BFAR: variants seen among roughly 807,000 people sequenced by gnomAD.
BFAR encodes the protein RING finger protein 47.
A neutral mutation model predicts 54.4 loss-of-function variants in BFAR; 52 were observed. The ratio of observed to expected loss-of-function variants is 0.96; its 90% CI spans 0.77 to 1.21. The LOEUF (loss-of-function observed/expected upper bound fraction) is 1.21. BFAR is among the 50% of genes most tolerant of loss of function. The pLI is 0.00. For synonymous variants in BFAR, 215 were observed against 204.3 expected, an observed-to-expected ratio of 1.05 and a Z score of -0.45; for missense variants, 571 against 534.0, an observed-to-expected ratio of 1.07 and a Z score of -0.68.
intron 1 of BFAR, among the ~76,000 whole-genome samples, chr16:14,640,045 G>C (rs1959573727): frequency 6.6e-6 from 1 of 151,876 alleles, no homozygotes; most frequent in African/African-American, 2.4e-5. Context: ...AGGCTACATA[G>C]GAGGCTGAGG....
At chr16:14,659,826 A>G (rs1029612034) in intron 5 of BFAR, among the ~76,000 whole-genome samples, 10 of 152,150 alleles carry the variant, frequency 6.6e-5, no homozygotes, top group African/African-American at 2.4e-4. Context: ...TGCTGGGATT[A>G]CAGGCTGAGC....
intron 5 of BFAR, among the ~76,000 whole-genome samples, chr16:14,661,392 CTTTTTTTTTTTTTT>C (rs774393097): frequency 1.5e-5 from 1 of 65,076 alleles, no homozygotes; most frequent in Non-Finnish European, 2.9e-5. Flanking sequence ...GAGATTGGAT[CTTTTTTTTTTTTTT>C]TTTTTTTTTT....
chr16:14,640,427 C>G (rs1412331745), intron 1 of BFAR, among the ~76,000 whole-genome samples: 1 of 151,908 alleles, frequency 6.6e-6, no homozygotes, highest in African/African-American at 2.4e-5. Flanking sequence ...ATGCGTGATG[C>G]GATTCCAGTA....
At chr16:14,643,245 G>A (rs542902075) in intron 1 of BFAR, among the ~76,000 whole-genome samples, 1 of 152,244 alleles carries the variant, frequency 6.6e-6, no homozygotes, top group East Asian at 1.9e-4. Context: ...GGCAGGCAGA[G>A]GTTGACGTGA....
rs531091456 is a variant in BFAR, at chr16:14,639,747, GAGA to G, written c.-73-4524_-73-4522del. On this transcript the variant is annotated intron_variant, in intron 1 of 7. Coordinates refer to ENST00000261658, the MANE Select transcript of BFAR (RefSeq NM_016561.3). The stretch of plus-strand genomic sequence containing the variant: ...TTAGGCATGTCTTCAGGAAAACATA[GAGA>G]AGGTCATGTTGATTATATATCTTGG... 1.9e-3 allele frequency among the ~76,000 whole-genome samples: 286 copies of G among 152,278 alleles called. 1 individual carries two copies. Among genetic ancestry groups the G allele is most frequent in the African/African-American group, 6.4e-3 (267 of 41,560 alleles).
At chr16:14,664,071 C>T (rs1466710230) in intron 6 of BFAR, among the ~76,000 whole-genome samples, 3 of 152,056 alleles carry the variant, frequency 2.0e-5, no homozygotes, top group Admixed American at 1.3e-4. Flanking sequence ...GGCAAAACCT[C>T]GTCTCTACTA....
rs139504886 is a variant in BFAR, at chr16:14,635,684, T to C, written c.-74+2666T>C. Among the ~76,000 whole-genome samples, 295 of 151,856 alleles carry C rather than the reference T, an allele frequency of 1.9e-3. 1 individual carries two copies. The highest frequency in any genetic ancestry group is 6.5e-3 in the African/African-American group (271 of 41,412). On this transcript the variant is annotated intron_variant, in intron 1 of 7. Coordinates refer to ENST00000261658, the MANE Select transcript of BFAR (RefSeq NM_016561.3). ...CCTTTGCTCCACTGGTTTCTGACCC[T>C]GTCCAGAAAAAAAATCTAGTTGGAG...
Position 14,661,973 on chromosome 16 carries a change from T to C in BFAR, c.865T>C (p.Phe289Leu). The C allele has an allele frequency of 6.2e-7, 1 of 1,614,148 alleles. No homozygotes were observed. The highest frequency in any genetic ancestry group is 8.5e-7 in the Non-Finnish European group (1 of 1,180,024). Residue 289 changes from phenylalanine to leucine, a missense_variant, in exon 6 of 8, where the codon TTT (phenylalanine) becomes CTT (leucine). Phe to Leu is a conservative substitution (Grantham distance 22, BLOSUM62 0). Transcript: ENST00000261658. The stretch of plus-strand genomic sequence containing the variant: ...GCTGAGTCTGCTCTACCTGTACCTG[T>C]TTGACTACACCGACACCTTCCTACC... ...PRLSLLYLYL[F>L]DYTDTFLPFI...
Position 14,667,799 on chromosome 16 carries a change from T to C in BFAR, c.1325T>C (p.Leu442Pro), listed in dbSNP as rs1960485692. ...AACATTGATCTTGTGGTCAAGGAACTCCGGCGGCTGGAAACCCAGGTGTTG... is the reference window on the plus strand; with the variant it reads ...AACATTGATCTTGTGGTCAAGGAACCCCGGCGGCTGGAAACCCAGGTGTTG... ...IINIDLVVKE[L>P]RRLETQVL is the part of the protein sequence containing the mutation. The change falls in exon 8 of 8, where the codon CTC becomes CCC. Residue 442 changes from leucine to proline, a missense_variant. By Grantham distance (98) the Leu-to-Pro change is moderately conservative. Transcript: ENST00000261658. 3 of 1,614,190 alleles carry C rather than the reference T, an allele frequency of 1.9e-6. No individual in the cohort carries two copies. The highest frequency in any genetic ancestry group is 1.7e-6 in the Non-Finnish European group (2 of 1,180,036).
intron 5 of BFAR, among the ~76,000 whole-genome samples, chr16:14,656,594 T>C (rs1472562878): frequency 6.6e-6 from 1 of 152,080 alleles, no homozygotes; most frequent in Non-Finnish European, 1.5e-5. Context: ...TCCTTGCCTG[T>C]TTCCTCCTGG....
chr16:14,655,026 T>A (rs1368719378), intron 4 of BFAR, 40 bp from the exon 5 acceptor site: 1 of 1,560,000 alleles, frequency 6.4e-7, no homozygotes, highest in East Asian at 2.3e-5. Context: ...TTGCTTCCAG[T>A]ATATAATCGC....
At chr16:14,640,856 G>T (rs1166241452) in intron 1 of BFAR, among the ~76,000 whole-genome samples, 1 of 152,160 alleles carries the variant, frequency 6.6e-6, no homozygotes, top group African/African-American at 2.4e-5. Context: ...AAACATGGAC[G>T]TACCATACAC....
At chr16:14,646,760 A>G in intron 2 of BFAR, among the ~76,000 whole-genome samples, 1 of 151,918 alleles carries the variant, frequency 6.6e-6, no homozygotes, top group East Asian at 1.9e-4. Context: ...AGCCTCCCAA[A>G]GTGCTGGGAT....
chr16:14,650,253 C>T, intron 4 of BFAR: 3 of 266,080 alleles, frequency 1.1e-5, no homozygotes, highest in Non-Finnish European at 2.1e-5. Flanking sequence ...TCACTTGAAC[C>T]CAAGAGGTGG....
At chr16:14,644,162 CAAAAAA>C in intron 1 of BFAR, 106 bp from the exon 2 acceptor site, 1 of 503,210 alleles carries the variant, frequency 2.0e-6, no homozygotes, top group Non-Finnish European at 3.3e-6. Context: ...GACTGTGTCT[CAAAAAA>C]AAAAAAAAAA....
intron 2 of BFAR, 79 bp downstream of exon 2, chr16:14,644,688 A>AC: frequency 7.3e-7 from 1 of 1,361,322 alleles, no homozygotes; most frequent in South Asian, 1.3e-5. Flanking sequence ...TTTTTTTTTA[A>AC]CAGAGATGGC....
At chr16:14,660,754 A>T (rs1960266464) in intron 5 of BFAR, among the ~76,000 whole-genome samples, 1 of 151,482 alleles carries the variant, frequency 6.6e-6, no homozygotes. Context: ...TACAAAAATT[A>T]GCCAGGCGTG....
intron 5 of BFAR, among the ~76,000 whole-genome samples, chr16:14,657,742 A>G (rs1013228305): frequency 1.3e-5 from 2 of 151,544 alleles, no homozygotes; most frequent in South Asian, 2.1e-4. Context: ...GAGTTTTGCC[A>G]TATTGGCCAG....
intron 2 of BFAR, among the ~76,000 whole-genome samples, chr16:14,645,437 C>T (rs1035375032): frequency 2.0e-5 from 3 of 152,212 alleles, no homozygotes; most frequent in East Asian, 1.9e-4. Flanking sequence ...AATAGAGTTT[C>T]TCATGTGTAG....
Sources: allele counts gnomAD v4.1 joint callset (sites outside exome capture counted in the v4.1 genomes callset), GRCh38; gene constraint gnomAD v4.1.1; transcripts MANE v1.5; gene names NCBI Gene and HGNC (gene_info 2026-07-23, HGNC 2026-07-21).